ADCY2: variants seen among roughly 807,000 people sequenced by gnomAD.
ADCY2 encodes the protein adenylate cyclase 2, also known as adenylate cyclase type 2.
A neutral mutation model predicts 125.2 loss-of-function variants in ADCY2; 31 were observed. That is an observed-to-expected ratio of 0.25 (90% CI 0.19 to 0.33). The LOEUF (loss-of-function observed/expected upper bound fraction) is 0.33, where lower values mean the gene tolerates loss of function less well. ADCY2 is among the 10% of genes least tolerant of loss of function. The probability of loss-of-function intolerance (pLI) is 1.00; values close to 1 mark genes in which losing one functional copy is unlikely to be tolerated. For missense variants in ADCY2, 904 were observed against 1,418.2 expected, an observed-to-expected ratio of 0.64 and a Z score of 5.82; for synonymous variants, 512 against 548.4, an observed-to-expected ratio of 0.93 and a Z score of 0.93.
intron 22 of ADCY2, among the ~76,000 whole-genome samples, chr5:7,810,104 C>A (rs1744885457): frequency 6.6e-6 from 1 of 152,158 alleles, no homozygotes; most frequent in Admixed American, 6.5e-5. Context: ...TTTCCATGGA[C>A]TTTAGAGAAA....
At chr5:7,550,070 A>G (rs1015438413) in intron 3 of ADCY2, among the ~76,000 whole-genome samples, 10 of 152,070 alleles carry the variant, frequency 6.6e-5, no homozygotes, top group Non-Finnish European at 1.3e-4. Context: ...CTGTTTTGGC[A>G]TTCCAGCCTT....
intron 4 of ADCY2, among the ~76,000 whole-genome samples, chr5:7,632,210 G>A (rs919192029): frequency 2.0e-5 from 3 of 152,146 alleles, no homozygotes; most frequent in African/African-American, 4.8e-5. Context: ...AACACACATC[G>A]TGCGGCAGGT....
intron 3 of ADCY2, among the ~76,000 whole-genome samples, chr5:7,540,935 G>A (rs1734975584): frequency 6.6e-6 from 1 of 152,188 alleles, no homozygotes; most frequent in South Asian, 2.1e-4. Context: ...AGTTGTCACA[G>A]CAGTCTGCTT....
At chr5:7,529,362 C>A (rs1443330915) in intron 3 of ADCY2, among the ~76,000 whole-genome samples, 1 of 152,172 alleles carries the variant, frequency 6.6e-6, no homozygotes, top group Non-Finnish European at 1.5e-5. Context: ...CAGGGTGCAA[C>A]AAGCTGGGCA....
Position 7,589,669 on chromosome 5 carries a change from C to T in ADCY2, c.571-36498C>T, listed in dbSNP as rs143960704. On this transcript the variant is annotated intron_variant, in intron 3 of 24. Transcript: ENST00000338316. ...TCTCTCTGGGCCCTAAATTCTGCTC[C>T]TGTTTTCCTGAGTGTTCCTCCTGTT... 7.5e-3 allele frequency among the ~76,000 whole-genome samples: 1,139 copies of T among 152,230 alleles called. 12 individuals are homozygous for T. The highest frequency in any genetic ancestry group is 0.026 in the African/African-American group (1,091 of 41,556).
rs554889013 is a variant in ADCY2, at chr5:7,463,899, G to C, written c.408+49129G>C. On this transcript the variant is annotated intron_variant, in intron 2 of 24. Transcript: ENST00000338316. ...GCCAAGCTACAAAGAAAGCAATGGGGGATGACTTAGGGGACAGGTCCTATG... is the reference window on the plus strand; with the variant it reads ...GCCAAGCTACAAAGAAAGCAATGGGCGATGACTTAGGGGACAGGTCCTATG... Among the ~76,000 whole-genome samples the C allele has an allele frequency of 1.1e-4, 17 of 152,252 alleles. No individual in the cohort carries two copies. The South Asian group carries it at 3.5e-3, about 32-fold the overall frequency.
intron 3 of ADCY2, among the ~76,000 whole-genome samples, chr5:7,603,815 G>GTT (rs1277338369): frequency 8.8e-5 from 6 of 68,454 alleles, no homozygotes; most frequent in African/African-American, 1.1e-4. Context: ...TTTTTCTTTT[G>GTT]TTTTTTTTTT....
chr5:7,781,012 G>T (rs1743906379), intron 18 of ADCY2, among the ~76,000 whole-genome samples: 1 of 152,198 alleles, frequency 6.6e-6, no homozygotes, highest in Non-Finnish European at 1.5e-5. Context: ...AGATAAGAAA[G>T]GAAGTGTGTT....
chr5:7,606,377 T>G (rs1036809835), intron 3 of ADCY2, among the ~76,000 whole-genome samples: 6 of 152,170 alleles, frequency 3.9e-5, no homozygotes, highest in Non-Finnish European at 8.8e-5. Context: ...TGGGCTTATG[T>G]CCAATGGTGA....
intron 1 of ADCY2, among the ~76,000 whole-genome samples, chr5:7,404,274 G>A (rs17813080): frequency 6.6e-6 from 1 of 151,782 alleles, no homozygotes; most frequent in East Asian, 1.9e-4. Context: ...TGTCTTTTTA[G>A]CTTTTTCAAG....
chr5:7,702,043 AT>A (rs774523701), intron 7 of ADCY2, among the ~76,000 whole-genome samples: 2 of 152,020 alleles, frequency 1.3e-5, no homozygotes, highest in Non-Finnish European at 2.9e-5. Context: ...GGAACAAGGG[AT>A]TCCACATTCC....
chr5:7,601,320 GA>G (rs11412492), intron 3 of ADCY2, among the ~76,000 whole-genome samples: 35 of 150,842 alleles, frequency 2.3e-4, no homozygotes, highest in Middle Eastern at 3.4e-3. Context: ...GAATTAAAAA[GA>G]AAAAAAAACT....
intron 3 of ADCY2, among the ~76,000 whole-genome samples, chr5:7,569,661 C>A (rs1019301122): frequency 2.6e-5 from 4 of 152,108 alleles, no homozygotes; most frequent in African/African-American, 9.7e-5. Context: ...ATTCCATTTG[C>A]CTAACTTCTT....
chr5:7,638,180 T>C (rs926904775), intron 4 of ADCY2, among the ~76,000 whole-genome samples: 5 of 152,344 alleles, frequency 3.3e-5, no homozygotes, highest in African/African-American at 4.8e-5. Flanking sequence ...TTTTCTTTGT[T>C]ATCATATATT....
intron 1 of ADCY2, among the ~76,000 whole-genome samples, chr5:7,408,976 A>G (rs750704990): frequency 3.3e-5 from 5 of 152,242 alleles, no homozygotes; most frequent in Admixed American, 1.3e-4. Flanking sequence ...CATGGAATCA[A>G]CCTAAATGCC....
At position 7,570,498 on chromosome 5, in the gene ADCY2, G is replaced by T. The variant is rs922525321; in HGVS notation, c.570+49599G>T. On this transcript the variant is annotated intron_variant, in intron 3 of 24. Transcript: ENST00000338316. The stretch of plus-strand genomic sequence containing the variant: ...ACGTGAGAAAGTGAAGCAGTGTTTT[G>T]TCGCCTCTGGACATGGGTAGGAGTG... Among the ~76,000 whole-genome samples the T allele has an allele frequency of 4.6e-5, 7 of 151,932 alleles. No homozygotes were observed. In the South Asian group the frequency reaches 1.2e-3, roughly 27 times the overall value.
At chr5:7,755,335 G>A (rs1303858154) in intron 15 of ADCY2, among the ~76,000 whole-genome samples, 1 of 151,994 alleles carries the variant, frequency 6.6e-6, no homozygotes, top group Non-Finnish European at 1.5e-5. Flanking sequence ...CTGGTCCTGC[G>A]TCTCCCTCAG....
At chr5:7,685,227 G>A (rs77851938) in intron 4 of ADCY2, 1 of 152,346 alleles carries the variant, frequency 6.6e-6, no homozygotes. Context: ...CGTGGTGCTA[G>A]TGGTTGGGCA....
Position 7,396,701 on chromosome 5 carries a change from C to G in ADCY2, c.210+195C>G, listed in dbSNP as rs991319465. Among the ~76,000 whole-genome samples the G allele has an allele frequency of 1.3e-5, 2 of 150,616 alleles. No individual in the cohort carries two copies. The highest frequency in any genetic ancestry group is 1.3e-4 in the Admixed American group (2 of 15,082). ...GGTGGACTCTGGCAAGGGCTGCGGGCGGGAGAAAAGTTTCCTGGGAAGGCT... is the reference window on the plus strand; with the variant it reads ...GGTGGACTCTGGCAAGGGCTGCGGGGGGGAGAAAAGTTTCCTGGGAAGGCT... On this transcript the variant is annotated intron_variant, in intron 1 of 24. Coordinates refer to ENST00000338316, the MANE Select transcript of ADCY2 (RefSeq NM_020546.3). This position sits in a 1 kb window ranked among gnomAD's most constrained non-coding sequence, Gnocchi z 5.7.
Sources: allele counts gnomAD v4.1 joint callset (sites outside exome capture counted in the v4.1 genomes callset), GRCh38; gene constraint gnomAD v4.1.1; non-coding constraint Gnocchi (gnomAD v3.1); transcripts MANE v1.5; gene names NCBI Gene and HGNC (gene_info 2026-07-23, HGNC 2026-07-21).